Variants in RALGAPA1 observed in about 807,000 individuals in gnomAD.
RALGAPA1 encodes ral GTPase-activating protein subunit alpha-1.
In RALGAPA1, 52 loss-of-function variants were observed where a neutral mutation model predicts 269.6. That is an observed-to-expected ratio of 0.19 (90% CI 0.15 to 0.24). The LOEUF (loss-of-function observed/expected upper bound fraction) is 0.24, where lower values mean the gene tolerates loss of function less well. RALGAPA1 is among the 10% of genes least tolerant of loss of function. The pLI, the probability that RALGAPA1 is intolerant of heterozygous loss-of-function variation, is 1.00. For missense variants in RALGAPA1, 1,917 were observed against 3,013.9 expected (o/e 0.64, Z 8.52); for synonymous variants, 817 against 1,008.3 (o/e 0.81, Z 3.60).
chr14:35,653,080 T>G (rs1350195165), intron 30 of RALGAPA1, among the ~76,000 whole-genome samples: 1 of 152,054 alleles, frequency 6.6e-6, no homozygotes, highest in Non-Finnish European at 1.5e-5. Flanking sequence ...GATGACTGAG[T>G]GGGAAAAGCA....
chr14:35,794,129 C>T (rs1174633952), intron 1 of RALGAPA1, among the ~76,000 whole-genome samples: 8 of 151,966 alleles, frequency 5.3e-5, no homozygotes, highest in Admixed American at 5.2e-4. Context: ...AATTTAAAAG[C>T]ATCTAATGTC....
intron 27 of RALGAPA1, among the ~76,000 whole-genome samples, chr14:35,662,347 A>G (rs2063595107): frequency 6.6e-6 from 1 of 152,324 alleles, no homozygotes; most frequent in East Asian, 1.9e-4. Flanking sequence ...CACCATGGTA[A>G]GTTCCATGTG....
chr14:35,647,319 G>A (rs1378182005), intron 31 of RALGAPA1, among the ~76,000 whole-genome samples: 1 of 152,054 alleles, frequency 6.6e-6, no homozygotes, highest in African/African-American at 2.4e-5. Context: ...CAATGACAAT[G>A]AGCCGTTTGA....
At chr14:35,625,076 C>G (rs1228933620) in intron 35 of RALGAPA1, among the ~76,000 whole-genome samples, 1 of 149,226 alleles carries the variant, frequency 6.7e-6, no homozygotes, top group Non-Finnish European at 1.5e-5. Context: ...TGCCTGTAGT[C>G]CCAGCTACTC....
intron 32 of RALGAPA1, 54 bp from the exon 33 acceptor site, chr14:35,634,811 A>G: frequency 1.4e-6 from 2 of 1,446,322 alleles, no homozygotes; most frequent in Non-Finnish European, 1.8e-6. Context: ...ATAAATAAAT[A>G]AAAGTTAAAG....
chr14:35,742,762 GT>G (rs1427394664), intron 10 of RALGAPA1, among the ~76,000 whole-genome samples, 197 bp from the exon 11 acceptor site: 59 of 128,262 alleles, frequency 4.6e-4, no homozygotes, highest in African/African-American at 1.8e-3. Context: ...TATATTTCTA[GT>G]AAAAAAAAAA....
In RALGAPA1 at chr14:35,690,146, T is replaced by C. The variant is rs548047552; in HGVS notation, c.2408-143A>G. The C allele has an allele frequency of 3.3e-6, 2 of 603,258 alleles. 1 individual carries two copies. The highest frequency in any genetic ancestry group is 5.4e-6 in the Non-Finnish European group (2 of 373,096). 37.4% of individuals were successfully genotyped at this position (603,258 alleles called of 1,614,324 possible). A position where few individuals can be genotyped will look rare whatever the true frequency, so the allele number is the denominator to read the frequency against. On this transcript the variant is annotated intron_variant, in intron 17 of 41. Coordinates refer to ENST00000680220, the MANE Select transcript of RALGAPA1 (RefSeq NM_001346249.2). ...AATGAAAAAAAAATCAAAATACAAATCTGCTTTTTTAAAAAAATGATGGGC... is the reference window on the plus strand; with the variant it reads ...AATGAAAAAAAAATCAAAATACAAACCTGCTTTTTTAAAAAAATGATGGGC...
chr14:35,664,660 A>C lies in RALGAPA1; in HGVS notation c.5310T>G (p.Ser1770=). ...LHPNIPDVAV[S]QFTDVKELII... is the part of the protein sequence containing the mutation. The stretch of plus-strand genomic sequence containing the variant: ...TTCTTACCTTAACATCTGTAAACTG[A>C]GACACAGCAACATCAGGAATGTTGG... The change falls in exon 27 of 42, where the codon TCT becomes TCG. Residue 1770 remains serine (S), a synonymous_variant. Transcript: ENST00000680220. The C allele has an allele frequency of 1.2e-6, 2 of 1,610,104 alleles. No homozygotes were observed. The highest frequency in any genetic ancestry group is 2.7e-5 in the African/African-American group (2 of 74,850).
chr14:35,727,830 GA>G (rs1338755282), intron 13 of RALGAPA1, among the ~76,000 whole-genome samples: 1 of 152,092 alleles, frequency 6.6e-6, no homozygotes, highest in East Asian at 1.9e-4. Flanking sequence ...GTGACAACAG[GA>G]AAAACAGCAG....
At chr14:35,683,659 C>A (rs189619852) in intron 21 of RALGAPA1, 150 bp downstream of exon 21, 3 of 609,354 alleles carry the variant, frequency 4.9e-6, no homozygotes, top group Non-Finnish European at 8.2e-6. Flanking sequence ...AAACTAATGT[C>A]TTTTCTCCCC....
chr14:35,646,644 T>C (rs947164164), intron 31 of RALGAPA1, among the ~76,000 whole-genome samples: 2 of 152,208 alleles, frequency 1.3e-5, no homozygotes, highest in Non-Finnish European at 2.9e-5. Context: ...ATGTAAGGCA[T>C]AATTTGGGAA....
chr14:35,623,136 T>C (rs1010070888), intron 35 of RALGAPA1, among the ~76,000 whole-genome samples: 1 of 150,160 alleles, frequency 6.7e-6, no homozygotes, highest in Non-Finnish European at 1.5e-5. Flanking sequence ...CTAGAATATT[T>C]AACTGATTTC....
intron 35 of RALGAPA1, among the ~76,000 whole-genome samples, chr14:35,611,505 G>GAA (rs35288393): frequency 1.6e-4 from 17 of 108,108 alleles, no homozygotes; most frequent in Admixed American, 3.0e-4. Flanking sequence ...TCTCAAAAAA[G>GAA]AAAAAAAAAA....
At chr14:35,570,488 C>G (rs567931315) in intron 39 of RALGAPA1, 129 bp downstream of exon 39, 1 of 757,722 alleles carries the variant, frequency 1.3e-6, no homozygotes. Flanking sequence ...TAATGATACT[C>G]CATTTCTACA....
chr14:35,765,264 T>C (rs781073120), intron 4 of RALGAPA1, among the ~76,000 whole-genome samples: 1 of 152,128 alleles, frequency 6.6e-6, no homozygotes, highest in African/African-American at 2.4e-5. Flanking sequence ...GGCATGAAAA[T>C]AGCCAACACC....
At chr14:35,750,106 G>A (rs1009014167) in intron 9 of RALGAPA1, among the ~76,000 whole-genome samples, 1 of 152,030 alleles carries the variant, frequency 6.6e-6, no homozygotes, top group African/African-American at 2.4e-5. Flanking sequence ...GTGTGAACAG[G>A]TCTTTTAATC....
chr14:35,618,697 C>T (rs1264875663), intron 35 of RALGAPA1, among the ~76,000 whole-genome samples: 2 of 151,876 alleles, frequency 1.3e-5, no homozygotes, highest in African/African-American at 4.8e-5. Context: ...CTAGACAAAT[C>T]CTGAGACAGA....
intron 16 of RALGAPA1, among the ~76,000 whole-genome samples, chr14:35,701,227 A>G (rs1389807002): frequency 6.6e-6 from 1 of 152,220 alleles, no homozygotes; most frequent in African/African-American, 2.4e-5. Context: ...AGGATTCTTA[A>G]TTAAGTTATA....
In RALGAPA1 at chr14:35,578,633, T is replaced by C. The variant is rs538551250; in HGVS notation, c.7210-5915A>G. Among the ~76,000 whole-genome samples, 8 of 152,346 alleles carry C rather than the reference T, an allele frequency of 5.3e-5. No homozygotes were observed. The Middle Eastern group carries it at 0.01, about 194-fold the overall frequency. On this transcript the variant is annotated intron_variant, in intron 37 of 41. Transcript: ENST00000680220. ...CTTAGCAGAGTGGGCATTCAATAAA[T>C]ACTGGTGACTATTAAAAAGATAATA... is the stretch of plus-strand genomic sequence containing the variant.
Sources: gnomAD v4.1 joint callset for allele counts (sites outside exome capture counted in the v4.1 genomes callset) on GRCh38, gnomAD v4.1.1 for gene constraint, MANE v1.5 for transcripts, NCBI Gene and HGNC (gene_info 2026-07-23, HGNC 2026-07-21) for gene names.